The following EPHA6 variants were observed in gnomAD, a reference collection of about 807,000 sequenced individuals.
The protein encoded by EPHA6 is EPH receptor A6.
A neutral mutation model predicts 112.0 loss-of-function variants in EPHA6; 50 were observed. The observed-to-expected ratio is 0.45, with a 90% CI of 0.36 to 0.56. The LOEUF (loss-of-function observed/expected upper bound fraction) is 0.56. Among genes scored for constraint, EPHA6 ranks in the 20% least tolerant of loss-of-function variants. The pLI is 0.00. For synonymous variants in EPHA6, 529 were observed against 490.7 expected (o/e 1.08, Z -1.03); for missense variants, 1,280 against 1,417.4 (o/e 0.90, Z 1.56).
chr3:97,704,922 C>T (rs938804424), intron 14 of EPHA6, among the ~76,000 whole-genome samples: 6 of 152,106 alleles, frequency 3.9e-5, no homozygotes, highest in Admixed American at 3.9e-4. Flanking sequence ...CTAGACATGG[C>T]AAGATTTTCT....
At chr3:97,270,542 G>A (rs74360755) in intron 5 of EPHA6, among the ~76,000 whole-genome samples, 5,960 of 152,148 alleles carry the variant, frequency 0.039, 398 homozygotes, top group African/African-American at 0.13. Flanking sequence ...TAAGCAAGTC[G>A]GATTTGCCTA....
At chr3:97,422,263 A>G (rs895213434) in intron 6 of EPHA6, among the ~76,000 whole-genome samples, 1 of 152,142 alleles carries the variant, frequency 6.6e-6, no homozygotes, top group African/African-American at 2.4e-5. Context: ...TCCAAAATAC[A>G]TAAAGAAATC....
chr3:96,888,224 C>A (rs966411632), intron 2 of EPHA6, among the ~76,000 whole-genome samples: 1 of 152,160 alleles, frequency 6.6e-6, no homozygotes, highest in Non-Finnish European at 1.5e-5. Context: ...GCAGGAATGG[C>A]CTGCTTGGCG....
At chr3:97,566,862 G>C (rs1274343689) in intron 11 of EPHA6, among the ~76,000 whole-genome samples, 1 of 152,114 alleles carries the variant, frequency 6.6e-6, no homozygotes, top group African/African-American at 2.4e-5. Flanking sequence ...AATAGTCTTT[G>C]TTCCCTAATA....
intron 16 of EPHA6, among the ~76,000 whole-genome samples, chr3:97,740,340 A>G (rs1053411909): frequency 1.3e-5 from 2 of 152,140 alleles, no homozygotes; most frequent in Admixed American, 1.3e-4. Flanking sequence ...GGTCCCCAGC[A>G]TGTCACTGAC....
At chr3:96,852,895 T>C (rs1332039783) in intron 1 of EPHA6, among the ~76,000 whole-genome samples, 1 of 152,170 alleles carries the variant, frequency 6.6e-6, no homozygotes, top group East Asian at 1.9e-4. Context: ...CCAAACTTTT[T>C]AAAGATAATA....
At chr3:97,320,397 G>T (rs1404766765) in intron 5 of EPHA6, among the ~76,000 whole-genome samples, 1 of 151,656 alleles carries the variant, frequency 6.6e-6, no homozygotes, top group Non-Finnish European at 1.5e-5. Context: ...AAATCATGAA[G>T]AAATGTAATT....
intron 14 of EPHA6, among the ~76,000 whole-genome samples, chr3:97,673,342 C>A (rs1184763780): frequency 6.6e-6 from 1 of 152,158 alleles, no homozygotes; most frequent in Non-Finnish European, 1.5e-5. Context: ...AATGGGATGG[C>A]ATGAACATTC....
chr3:97,712,259 G>T (rs1423250596), intron 14 of EPHA6, among the ~76,000 whole-genome samples: 1 of 152,090 alleles, frequency 6.6e-6, no homozygotes, highest in Non-Finnish European at 1.5e-5. Context: ...GGTAGGCTGG[G>T]GTAGGTAGTC....
chr3:97,312,913 T>C (rs922517973), intron 5 of EPHA6, among the ~76,000 whole-genome samples: 1 of 151,508 alleles, frequency 6.6e-6, no homozygotes, highest in Non-Finnish European at 1.5e-5. Flanking sequence ...ATTTCCTTTG[T>C]AGTGAGAATA....
Position 97,759,074 on chromosome 3 carries a change from T to C in EPHA6, c.*10373T>C, listed in dbSNP as rs559089630. On this transcript the variant is annotated 3_prime_UTR_variant, in exon 18 of 18. Coordinates refer to ENST00000389672, the MANE Select transcript of EPHA6 (RefSeq NM_001080448.3). Reference sequence around the variant, plus strand: ...TTGCACTATATGCTATTCCAATGTTTAATAGGCAGATAATTAGAATTAAAC... The same window carrying C: ...TTGCACTATATGCTATTCCAATGTTCAATAGGCAGATAATTAGAATTAAAC... Among the ~76,000 whole-genome samples, 1 of 152,158 alleles carries C rather than the reference T, an allele frequency of 6.6e-6. No individual in the cohort carries two copies. Among genetic ancestry groups the C allele is most frequent in the South Asian group, 2.1e-4 (1 of 4,826 alleles).
At chr3:97,322,826 T>C (rs1015731356) in intron 5 of EPHA6, among the ~76,000 whole-genome samples, 1 of 152,066 alleles carries the variant, frequency 6.6e-6, no homozygotes, top group Non-Finnish European at 1.5e-5. Flanking sequence ...GTTTTAATTA[T>C]GGTATTTGAT....
chr3:97,229,710 T>A (rs2078466575), intron 4 of EPHA6, among the ~76,000 whole-genome samples: 1 of 152,180 alleles, frequency 6.6e-6, no homozygotes, highest in Non-Finnish European at 1.5e-5. Flanking sequence ...CATAGATTTG[T>A]CTGTATTACT....
chr3:97,673,579 C>T (rs1365806468), intron 14 of EPHA6, among the ~76,000 whole-genome samples: 1 of 152,192 alleles, frequency 6.6e-6, no homozygotes, highest in South Asian at 2.1e-4. Context: ...ATTAACTCTA[C>T]TCTGAGTCAT....
chr3:97,345,492 T>A (rs1371270061), intron 5 of EPHA6, among the ~76,000 whole-genome samples: 1 of 152,120 alleles, frequency 6.6e-6, no homozygotes, highest in African/African-American at 2.4e-5. Context: ...TTGATGACAA[T>A]GTGATTCTTA....
chr3:97,595,408 C>T (rs1189088498), intron 12 of EPHA6, among the ~76,000 whole-genome samples: 2 of 152,106 alleles, frequency 1.3e-5, no homozygotes, highest in East Asian at 3.9e-4. Context: ...CTTTGGGAGG[C>T]CAAGGCAGGT....
At chr3:97,444,056 G>A (rs1412659452) in intron 6 of EPHA6, among the ~76,000 whole-genome samples, 1 of 152,058 alleles carries the variant, frequency 6.6e-6, no homozygotes, top group Non-Finnish European at 1.5e-5. Context: ...AATATTACCA[G>A]TTCTTATTTC....
rs796486495 is a variant in EPHA6, at chr3:97,228,556, T to A, written c.1270+2137T>A. Among the ~76,000 whole-genome samples the A allele has an allele frequency of 2.9e-4, 44 of 149,176 alleles. 1 individual carries two copies. The South Asian group carries it at 6.5e-3, about 22-fold the overall frequency. ...GTGTGTGTGTATATATATATATATA[T>A]AATGTAAATGTCATATAAATGTTAT... On this transcript the variant is annotated intron_variant, in intron 4 of 17. Coordinates refer to ENST00000389672, the MANE Select transcript of EPHA6 (RefSeq NM_001080448.3).
intron 14 of EPHA6, among the ~76,000 whole-genome samples, chr3:97,692,926 A>G (rs1158247467): frequency 6.6e-6 from 1 of 152,230 alleles, no homozygotes; most frequent in Non-Finnish European, 1.5e-5. Flanking sequence ...GGAGAGCATT[A>G]TGAGCATCTA....
Sources: gnomAD v4.1 joint callset for allele counts (sites outside exome capture counted in the v4.1 genomes callset) on GRCh38, gnomAD v4.1.1 for gene constraint, MANE v1.5 for transcripts, NCBI Gene and HGNC (gene_info 2026-07-23, HGNC 2026-07-21) for gene names.